The following FAM117B variants were observed in gnomAD, a reference collection of about 807,000 sequenced individuals.
FAM117B encodes protein FAM117B.
A neutral mutation model predicts 52.8 loss-of-function variants in FAM117B; 22 were observed. The ratio of observed to expected loss-of-function variants is 0.42; its 90% confidence interval spans 0.30 to 0.59. FAM117B has a LOEUF of 0.59. FAM117B is among the 20% of genes least tolerant of loss of function. The pLI, the probability that FAM117B is intolerant of heterozygous loss-of-function variation, is 0.22. For missense variants in FAM117B, 678 were observed against 802.6 expected (o/e 0.84, Z 1.88); for synonymous variants, 309 against 324.1 (o/e 0.95, Z 0.50).
intron 4 of FAM117B, among the ~76,000 whole-genome samples, chr2:202,754,413 T>G (rs1259066822): frequency 6.6e-6 from 1 of 152,014 alleles, no homozygotes; most frequent in African/African-American, 2.4e-5. Context: ...GACTGGTCAA[T>G]AGGTGCAGCA....
Position 202,635,200 on chromosome 2 carries a change from G to A in FAM117B, c.13G>A (p.Val5Met). The change falls in exon 1 of 8, where the codon GTG (valine) becomes ATG (methionine). Residue 5 changes from valine to methionine, a missense_variant. By Grantham distance (21) the Val-to-Met change is conservative. Coordinates refer to ENST00000392238, the MANE Select transcript of FAM117B (RefSeq NM_173511.4). MSQR[V>M]RRNGSPTPAG... Reference sequence around the variant, plus strand: ...GAGGGGGGGGACCATGTCCCAGCGGGTGAGGCGCAATGGGTCCCCCACGCC... The same window carrying A: ...GAGGGGGGGGACCATGTCCCAGCGGATGAGGCGCAATGGGTCCCCCACGCC... The A allele has an allele frequency of 2.3e-6, 3 of 1,292,916 alleles. No homozygotes were observed. The highest frequency in any genetic ancestry group is 2.3e-5 in the South Asian group (1 of 44,438). The allele number at this position is 1,292,916 out of a possible 1,614,324, so 80.1% of individuals were successfully genotyped here. A position where few individuals can be genotyped will look rare whatever the true frequency, so the allele number is the denominator to read the frequency against.
rs553503194 is a variant in FAM117B at position 202,675,713 on chromosome 2, G to A, written c.602-20168G>A. On this transcript the variant is annotated intron_variant, in intron 1 of 7. Transcript: ENST00000392238. ...CAAAAGAATACAGCAGGCTGGGTGT[G>A]GCAGCTCACCCCTGTAATCCTAGAA... is the stretch of plus-strand genomic sequence containing the variant. 6.5e-4 allele frequency among the ~76,000 whole-genome samples: 99 copies of A among 152,076 alleles called. 1 individual carries two copies. The highest frequency in any genetic ancestry group is 2.3e-3 in the African/African-American group (97 of 41,506).
chr2:202,709,359 C>T (rs1234173319), intron 2 of FAM117B, among the ~76,000 whole-genome samples: 2 of 152,090 alleles, frequency 1.3e-5, no homozygotes, highest in East Asian at 1.9e-4. Context: ...CCCGCCATCA[C>T]GCCCAGCTAA....
At chr2:202,727,349 TAGAAAAC>T (rs1164624722) in intron 4 of FAM117B, among the ~76,000 whole-genome samples, 1 of 152,166 alleles carries the variant, frequency 6.6e-6, no homozygotes, top group East Asian at 1.9e-4. Context: ...AAGGTTTTAT[TAGAAAAC>T]AGTCACTCTC....
intron 1 of FAM117B, among the ~76,000 whole-genome samples, chr2:202,637,028 C>A (rs1282613629): frequency 6.6e-6 from 1 of 151,686 alleles, no homozygotes; most frequent in Non-Finnish European, 1.5e-5. Flanking sequence ...TCCTGAGTAG[C>A]TGGGATTACA....
At chr2:202,712,193 T>C (rs1251866612) in intron 2 of FAM117B, among the ~76,000 whole-genome samples, 1 of 152,164 alleles carries the variant, frequency 6.6e-6, no homozygotes, top group Non-Finnish European at 1.5e-5. Flanking sequence ...TTTCTTTCTT[T>C]TTTTGTGTGT....
intron 1 of FAM117B, among the ~76,000 whole-genome samples, chr2:202,645,603 C>T (rs1689849744): frequency 7.6e-6 from 1 of 131,446 alleles, no homozygotes; most frequent in African/African-American, 2.9e-5. Flanking sequence ...GTTTTTATTT[C>T]TATCAGATTT....
chr2:202,639,665 G>A lies in FAM117B; in HGVS notation c.601+3877G>A, dbSNP rs60731752. Among the ~76,000 whole-genome samples the A allele has an allele frequency of 4.6e-3, 707 of 152,260 alleles. 6 individuals are homozygous for A. The highest frequency in any genetic ancestry group is 0.016 in the African/African-American group (682 of 41,536). Reference sequence around the variant, plus strand: ...GTGTTCTGCCAACTAGAAGCCATGTGATATGGAAAGTTATTTTTCTTATCT... The same window carrying A: ...GTGTTCTGCCAACTAGAAGCCATGTAATATGGAAAGTTATTTTTCTTATCT... On this transcript the variant is annotated intron_variant, in intron 1 of 7. Coordinates refer to ENST00000392238, the MANE Select transcript of FAM117B (RefSeq NM_173511.4).
chr2:202,749,193 T>TC (rs1420740899), intron 4 of FAM117B, among the ~76,000 whole-genome samples: 1 of 151,918 alleles, frequency 6.6e-6, no homozygotes, highest in Non-Finnish European at 1.5e-5. Flanking sequence ...ATCCTTTATG[T>TC]CCCCCCAGGA....
chr2:202,644,044 T>C (rs1689813581), intron 1 of FAM117B, among the ~76,000 whole-genome samples: 1 of 146,954 alleles, frequency 6.8e-6, no homozygotes, highest in Admixed American at 6.8e-5. Flanking sequence ...TACTACTGCT[T>C]TAGGAGCTGT....
At chr2:202,762,717 A>G (rs1691912877) in intron 7 of FAM117B, among the ~76,000 whole-genome samples, 1 of 151,776 alleles carries the variant, frequency 6.6e-6, no homozygotes, top group South Asian at 2.1e-4. Flanking sequence ...TTCTTGGGTA[A>G]TGCACTCTTA....
intron 1 of FAM117B, among the ~76,000 whole-genome samples, chr2:202,652,071 AAGAT>A (rs1296425914): frequency 1.4e-4 from 21 of 151,758 alleles, no homozygotes; most frequent in African/African-American, 4.1e-4. Flanking sequence ...AAAAAAAAAA[AAGAT>A]AAGGACAAGG....
rs757843381 is a variant in FAM117B at position 202,694,188 on chromosome 2, C to CTTTTTTTTTTTTTTTTTTT, written c.602-1690_602-1672dup. On this transcript the variant is annotated intron_variant, in intron 1 of 7. Coordinates refer to ENST00000392238, the MANE Select transcript of FAM117B (RefSeq NM_173511.4). The stretch of plus-strand genomic sequence containing the variant: ...GAAGATGTTATTGCAAAACCCACTT[C>CTTTTTTTTTTTTTTTTTTT]TTTTTTTTTTTTTTTTTTTTTGAGA... Among the ~76,000 whole-genome samples, 62 of 99,064 alleles carry CTTTTTTTTTTTTTTTTTTT rather than the reference C, an allele frequency of 6.3e-4. 3 individuals carry two copies. The highest frequency in any genetic ancestry group is 2.6e-3 in the African/African-American group (60 of 22,868). 65.0% of individuals were successfully genotyped at this position (99,064 alleles called of 152,430 possible). A position where few individuals can be genotyped will look rare whatever the true frequency, so the allele number is the denominator to read the frequency against.
intron 2 of FAM117B, among the ~76,000 whole-genome samples, chr2:202,722,722 A>G (rs1691174763): frequency 6.6e-6 from 1 of 152,104 alleles, no homozygotes; most frequent in South Asian, 2.1e-4. Context: ...GCTAATGAGT[A>G]CTAGGCTTAG....
At chr2:202,668,511 G>A (rs1387119083) in intron 1 of FAM117B, among the ~76,000 whole-genome samples, 14 of 130,388 alleles carry the variant, frequency 1.1e-4, no homozygotes, top group Non-Finnish European at 2.0e-4. Flanking sequence ...CTGTGTGACA[G>A]AGCGAGACTC....
chr2:202,765,732 C>G lies in FAM117B; in HGVS notation c.1738C>G (p.Pro580Ala). 6.2e-7 allele frequency: 1 copy of G among 1,614,130 alleles called. No homozygotes were observed. The highest frequency in any genetic ancestry group is 8.5e-7 in the Non-Finnish European group (1 of 1,180,018). ...CATGCCATCAGCTTCTCTACTCCCA[C>G]CACCAGAACCAATTGAGGAAGCTGA... ...TVMPSASLLPPPEPIEEAEG is the reference protein window; with the variant it reads ...TVMPSASLLPAPEPIEEAEG The change falls in exon 8 of 8, where the codon CCA becomes GCA. Residue 580 changes from proline to alanine, a missense_variant. Pro to Ala is a conservative substitution (Grantham distance 27, BLOSUM62 -1). Transcript: ENST00000392238.
intron 1 of FAM117B, among the ~76,000 whole-genome samples, chr2:202,672,711 A>G (rs1690317850): frequency 6.6e-6 from 1 of 152,104 alleles, no homozygotes; most frequent in East Asian, 1.9e-4. Context: ...GTATATCATA[A>G]TTTAGTAAAT....
intron 2 of FAM117B, among the ~76,000 whole-genome samples, chr2:202,697,093 G>A (rs984109667): frequency 2.6e-5 from 4 of 152,026 alleles, no homozygotes; most frequent in African/African-American, 9.7e-5. Flanking sequence ...CAAAGAAGAA[G>A]AAATCATTCA....
In FAM117B at chr2:202,654,094, A is replaced by T. The variant is rs982259295; in HGVS notation, c.601+18306A>T. ...GAGAGAGAGAGAGAGAGAGAGAGAG[A>T]GAGTGAGAGTGTGTGTGTGTGTTTG... On this transcript the variant is annotated intron_variant, in intron 1 of 7. Transcript: ENST00000392238. Among the ~76,000 whole-genome samples the T allele has an allele frequency of 1.1e-4, 16 of 147,620 alleles. No homozygotes were observed. The East Asian group carries it at 1.2e-3, about 11-fold the overall frequency.
Sources: gnomAD v4.1 joint callset for allele counts (sites outside exome capture counted in the v4.1 genomes callset) on GRCh38, gnomAD v4.1.1 for gene constraint, MANE v1.5 for transcripts, NCBI Gene and HGNC (gene_info 2026-07-23, HGNC 2026-07-21) for gene names.